Variants in OVCH1 observed in about 807,000 individuals in gnomAD.
OVCH1 encodes ovochymase-1.
In OVCH1, 139 loss-of-function variants were observed where a neutral mutation model predicts 138.4. The observed-to-expected ratio is 1.00, with a 90% confidence interval of 0.87 to 1.16. The LOEUF (loss-of-function observed/expected upper bound fraction) is 1.16. OVCH1 is among the 50% of genes most tolerant of loss of function. OVCH1 has a pLI of 0.00. For synonymous variants in OVCH1, 453 were observed against 467.8 expected, an observed-to-expected ratio of 0.97 and a Z score of 0.41; for missense variants, 1,367 against 1,357.9, an observed-to-expected ratio of 1.01 and a Z score of -0.11.
chr12:29,407,202 A>T, the OVCH1 span, among the ~76,000 whole-genome samples: 6,120 of 144,284 alleles, frequency 0.042, 236 homozygotes, highest in East Asian at 0.069. Flanking sequence ...GATTCTGGAT[A>T]TTAGCCCTTT....
intron 27 of OVCH1, among the ~76,000 whole-genome samples, chr12:29,429,136 G>A (rs1941227091): frequency 6.6e-6 from 1 of 152,088 alleles, no homozygotes; most frequent in Non-Finnish European, 1.5e-5. Context: ...TCTAAAAAGG[G>A]CCATCTATAT....
downstream of OVCH1, among the ~76,000 whole-genome samples, chr12:29,411,260 T>C (rs1940951354): frequency 7.1e-6 from 1 of 140,584 alleles, no homozygotes; most frequent in South Asian, 2.4e-4. Flanking sequence ...AATTTCCTCC[T>C]GTAGCTCGTA....
intron 22 of OVCH1, among the ~76,000 whole-genome samples, chr12:29,448,995 T>G (rs1941696023): frequency 6.6e-6 from 1 of 152,180 alleles, no homozygotes. Context: ...ATTACACCTG[T>G]GCAAACAGGA....
chr12:29,442,545 C>T, intron 25 of OVCH1, among the ~76,000 whole-genome samples: 2 of 150,654 alleles, frequency 1.3e-5, no homozygotes, highest in Non-Finnish European at 3.0e-5. Flanking sequence ...ATGGGTGCAG[C>T]ACACCAGCAT....
chr12:29,453,971 A>G (rs1008919811), intron 21 of OVCH1, among the ~76,000 whole-genome samples: 3 of 152,084 alleles, frequency 2.0e-5, no homozygotes, highest in Non-Finnish European at 4.4e-5. Flanking sequence ...TTTTCTCTTA[A>G]AAATCAAACT....
chr12:29,449,733 T>C (rs975003771), intron 22 of OVCH1, among the ~76,000 whole-genome samples: 2 of 152,214 alleles, frequency 1.3e-5, no homozygotes, highest in African/African-American at 2.4e-5. Context: ...GGAACAAAGC[T>C]GGAGGCATCA....
intron 24 of OVCH1, among the ~76,000 whole-genome samples, chr12:29,443,846 G>A (rs1050981778): frequency 6.6e-6 from 1 of 151,974 alleles, no homozygotes; most frequent in African/African-American, 2.4e-5. Flanking sequence ...TATCTACTAT[G>A]TACCCAAATA....
intron 26 of OVCH1, among the ~76,000 whole-genome samples, chr12:29,434,707 C>T (rs1408580194): frequency 2.6e-5 from 3 of 114,666 alleles, no homozygotes; most frequent in Non-Finnish European, 5.9e-5. Context: ...TTTACCTTGT[C>T]CCCAACAACA....
rs959481560 is a variant in OVCH1, at chr12:29,487,872, C to T, written c.713G>A (p.Gly238Glu). 9.9e-6 allele frequency: 16 copies of T among 1,609,504 alleles called. No individual in the cohort carries two copies. In the South Asian group the frequency reaches 1.7e-4, roughly 17 times the overall value. The change falls in exon 7 of 28, where the codon GGA (glycine) becomes GAA (glutamate). Residue 238 changes from glycine (G) to glutamate (E), a missense_variant. Physicochemically the swap from Gly to Glu is moderately conservative, Grantham distance 98 (BLOSUM62 -2). Transcript: ENST00000318184. ...ACCTCTTCTACAAACCAGTGGTCCT[C>T]CAGAGTCCCCCTTTCATGGTACAAA...
intron 4 of OVCH1, among the ~76,000 whole-genome samples, chr12:29,494,407 A>G (rs1208341121): frequency 6.6e-6 from 1 of 152,118 alleles, no homozygotes; most frequent in African/African-American, 2.4e-5. Context: ...GTGTTGAGAG[A>G]GTGTTGGAGA....
At chr12:29,494,561 A>G (rs1330390191) in intron 4 of OVCH1, among the ~76,000 whole-genome samples, 1 of 152,182 alleles carries the variant, frequency 6.6e-6, no homozygotes, top group Non-Finnish European at 1.5e-5. Context: ...GTTGGCCAAA[A>G]TATGGACTTA....
chr12:29,482,664 T>C (rs1942971359), intron 8 of OVCH1, among the ~76,000 whole-genome samples: 1 of 152,238 alleles, frequency 6.6e-6, no homozygotes, highest in Non-Finnish European at 1.5e-5. Flanking sequence ...CCACTATGAA[T>C]GTGGCTTCTG....
intron 27 of OVCH1, among the ~76,000 whole-genome samples, chr12:29,430,399 T>C (rs1036686968): frequency 6.6e-6 from 1 of 152,152 alleles, no homozygotes; most frequent in East Asian, 1.9e-4. Context: ...CCCTCTGCAG[T>C]GACCAAGGTG....
chr12:29,481,475 T>C (rs528457033), intron 8 of OVCH1, among the ~76,000 whole-genome samples: 8 of 152,294 alleles, frequency 5.3e-5, no homozygotes, highest in Non-Finnish European at 1.0e-4. Context: ...AACTATTTTA[T>C]CTCTACTTCA....
intron 7 of OVCH1, among the ~76,000 whole-genome samples, chr12:29,486,691 A>C (rs1943117596): frequency 6.6e-6 from 1 of 152,222 alleles, no homozygotes; most frequent in South Asian, 2.1e-4. Flanking sequence ...AACTAGAAAA[A>C]ATAGGCAAAT....
chr12:29,490,948 A>G (rs1316133128), intron 5 of OVCH1, 149 bp downstream of exon 5: 3 of 662,192 alleles, frequency 4.5e-6, no homozygotes, highest in African/African-American at 1.8e-5. Context: ...AAGCCTTTCA[A>G]TGCTGAGGAC....
chr12:29,468,366 A>T (rs1942388737), intron 16 of OVCH1, among the ~76,000 whole-genome samples: 1 of 152,192 alleles, frequency 6.6e-6, no homozygotes, highest in Non-Finnish European at 1.5e-5. Flanking sequence ...TTTGTGACTA[A>T]CAAGTGGCTC....
downstream of OVCH1, among the ~76,000 whole-genome samples, chr12:29,407,857 G>C (rs61917199): frequency 0.3 from 44,089 of 147,608 alleles, 7,937 homozygotes; most frequent in Middle Eastern, 0.5. Flanking sequence ...GTCATTAGTA[G>C]CTTGATGGGG....
chr12:29,434,760 A>C (rs1016654161), intron 26 of OVCH1, among the ~76,000 whole-genome samples: 2 of 152,198 alleles, frequency 1.3e-5, no homozygotes, highest in Non-Finnish European at 2.9e-5. Flanking sequence ...TTATTGAGCA[A>C]AGTAAAAAAT....
Sources: gnomAD v4.1 joint callset for allele counts (sites outside exome capture counted in the v4.1 genomes callset) on GRCh38, gnomAD v4.1.1 for gene constraint, MANE v1.5 for transcripts, NCBI Gene and HGNC (gene_info 2026-07-23, HGNC 2026-07-21) for gene names.